Variants in NBPF14 observed in about 807,000 individuals in gnomAD.
The protein encoded by NBPF14 is NBPF member 14.
In NBPF14, 104 loss-of-function variants were observed where a neutral mutation model predicts 91.2. The ratio of observed to expected loss-of-function variants is 1.14; its 90% CI spans 0.97 to 1.34. The LOEUF (loss-of-function observed/expected upper bound fraction) is 1.34. NBPF14 is among the 40% of genes most tolerant of loss of function. NBPF14 has a pLI of 0.00. For missense variants in NBPF14, 908 were observed against 783.0 expected (o/e 1.16, Z -1.91); for synonymous variants, 294 against 303.8 (o/e 0.97, Z 0.34).
At chr1:148,566,369 A>G in intron 28 of NBPF14, 54 bp from the exon 29 acceptor site, 2 of 750,164 alleles carry the variant, frequency 2.7e-6, no homozygotes, top group South Asian at 1.4e-5. Context: ...GACACAACAG[A>G]GCCTCAACTA....
At position 148,533,766 on chromosome 1, in the gene NBPF14, T is replaced by C. The variant is rs373561186; in HGVS notation, c.8723+95A>G. ...GACAGTAGGAGTAATTCAGCCTTTG[T>C]TGAAAATATGACATCAAACACACTC... On this transcript the variant is annotated intron_variant, in intron 70 of 70. Transcript: ENST00000619423. 1.3e-4 allele frequency: 98 copies of C among 761,274 alleles called. 3 individuals carry two copies. The highest frequency in any genetic ancestry group is 1.2e-3 in the South Asian group (89 of 74,116). The allele number at this position is 761,274 out of a possible 1,614,324, so 47.2% of individuals were successfully genotyped here. A position where few individuals can be genotyped will look rare whatever the true frequency, so the allele number is the denominator to read the frequency against.
intron 39 of NBPF14, 57 bp from the exon 40 acceptor site, chr1:148,557,599 C>G: frequency 3.3e-6 from 2 of 602,986 alleles, no homozygotes; most frequent in East Asian, 3.4e-5. Context: ...ACACCCATAA[C>G]AGTCCACTGT....
At chr1:148,576,168 A>G (rs1361913425) in intron 16 of NBPF14, among the ~76,000 whole-genome samples, 5 of 100,066 alleles carry the variant, frequency 5.0e-5, no homozygotes, top group Admixed American at 1.7e-4. Context: ...AACTTGCTCA[A>G]GATTCCATGC....
intron 2 of NBPF14, among the ~76,000 whole-genome samples, chr1:148,594,795 T>C (rs1311181200): frequency 2.4e-5 from 2 of 84,270 alleles, no homozygotes; most frequent in Non-Finnish European, 2.0e-5. Context: ...CCTGCTGGGT[T>C]CAAAGGATTC....
Position 148,586,896 on chromosome 1 carries a change from T to G in NBPF14, c.1091+405A>C, listed in dbSNP as rs1472433818. On this transcript the variant is annotated intron_variant, in intron 8 of 70. Coordinates refer to ENST00000619423, the Ensembl canonical transcript of NBPF14. ...TTGAAAAGATGAAAGAAGAAAAGAATGACAGGGTCGAGGAGGCAACATTGA... is the reference window on the plus strand; with the variant it reads ...TTGAAAAGATGAAAGAAGAAAAGAAGGACAGGGTCGAGGAGGCAACATTGA... Among the ~76,000 whole-genome samples, 52 of 142,678 alleles carry G rather than the reference T, an allele frequency of 3.6e-4. 2 individuals carry two copies. The highest frequency in any genetic ancestry group is 4.8e-4 in the African/African-American group (19 of 39,412). The allele number at this position is 142,678 out of a possible 152,430, so 93.6% of individuals were successfully genotyped here.
At chr1:148,587,611 C>T (rs1469568936) in intron 7 of NBPF14, among the ~76,000 whole-genome samples, 16 of 145,074 alleles carry the variant, frequency 1.1e-4, no homozygotes, top group Non-Finnish European at 2.5e-4. Context: ...AAGAGAACCT[C>T]AAGGGCACAT....
chr1:148,587,726 C>G, intron 7 of NBPF14, among the ~76,000 whole-genome samples: 1 of 141,938 alleles, frequency 7.0e-6, no homozygotes, highest in Non-Finnish European at 1.6e-5. Context: ...GCCTTGCAGC[C>G]TCTCCTCTAA....
chr1:148,566,061 G>A (rs1450315348), intron 29 of NBPF14, 82 bp downstream of exon 29: 3 of 331,222 alleles, frequency 9.1e-6, no homozygotes, highest in South Asian at 7.1e-5. Context: ...TCTCAGCTCA[G>A]TAATGGCCAC....
rs1277694541 is a variant in NBPF14 at position 148,559,813 on chromosome 1, C to A, written c.4709G>T (p.Gly1570Val). Reference sequence around the variant, plus strand: ...CTCACCATCCATGTCAACAGCCAAGCCAACACGCTGCTGCTCCAATATGTA... The same window carrying A: ...CTCACCATCCATGTCAACAGCCAAGACAACACGCTGCTGCTCCAATATGTA... Residue 1570 changes from glycine (G) to valine (V), a missense_variant, in exon 37 of 71, where the codon GGC (glycine) becomes GTC (valine). Physicochemically the swap from Gly to Val is moderately radical, Grantham distance 109. This residue lies in a region of NBPF14 where 447 missense variants were observed against 189.1 expected (regional missense o/e 2.36). Transcript: ENST00000619423. The A allele has an allele frequency of 1.4e-5, 21 of 1,531,734 alleles. 1 individual carries two copies. The highest frequency in any genetic ancestry group is 2.5e-5 in the East Asian group (1 of 40,334). 94.9% of individuals were successfully genotyped at this position (1,531,734 alleles called of 1,614,324 possible). A position where few individuals can be genotyped will look rare whatever the true frequency, so the allele number is the denominator to read the frequency against.
Position 148,567,697 on chromosome 1 carries a change from A to C in NBPF14, c.3490+16T>G. 1 of 50,492 alleles carries C rather than the reference A, an allele frequency of 2.0e-5. No homozygotes were observed. Among genetic ancestry groups the C allele is most frequent in the Non-Finnish European group, 4.0e-5 (1 of 24,894 alleles). 3.1% of individuals were successfully genotyped at this position (50,492 alleles called of 1,614,324 possible). A position where few individuals can be genotyped will look rare whatever the true frequency, so the allele number is the denominator to read the frequency against. Reference sequence around the variant, plus strand: ...GACCAGGTGGAGGCTTATCACCTTCACAGTAAGGTACTCACTGTCCACGTC... The same window carrying C: ...GACCAGGTGGAGGCTTATCACCTTCCCAGTAAGGTACTCACTGTCCACGTC... On this transcript the variant is annotated intron_variant, in intron 27 of 70. Transcript: ENST00000619423.
At chr1:148,579,751 C>G (rs1310194048) in intron 12 of NBPF14, among the ~76,000 whole-genome samples, 2 of 152,132 alleles carry the variant, frequency 1.3e-5, no homozygotes, top group African/African-American at 4.8e-5. Context: ...ATACACCTCT[C>G]CCTGGATTTA....
intron 8 of NBPF14, among the ~76,000 whole-genome samples, chr1:148,586,930 A>G (rs1351335590): frequency 6.9e-6 from 1 of 144,764 alleles, no homozygotes; most frequent in Non-Finnish European, 1.5e-5. Flanking sequence ...GATTGAGTGA[A>G]AGAATGAGAA....
At chr1:148,539,350 A>G (rs1655521435) in intron 63 of NBPF14, 60 bp downstream of exon 63, 2 of 521,858 alleles carry the variant, frequency 3.8e-6, no homozygotes, top group Non-Finnish European at 6.6e-6. Flanking sequence ...TGGAACAGGA[A>G]TATCACCCCT....
At chr1:148,587,269 C>A (rs1276857189) in intron 8 of NBPF14, 32 bp downstream of exon 8, 9 of 1,515,822 alleles carry the variant, frequency 5.9e-6, no homozygotes, top group Admixed American at 1.7e-5. Flanking sequence ...TACACACCTG[C>A]CCCCCTGCCT....
exon 5 of NBPF14, chr1:148,591,451 G>T: frequency 1.2e-6 from 2 of 1,607,720 alleles, no homozygotes; most frequent in Non-Finnish European, 1.7e-6. Context: ...GATGATTCCA[G>T]TACTTTCTCA....
chr1:148,534,909 C>G (rs1259036239), intron 68 of NBPF14, 53 bp from the exon 69 acceptor site: 2 of 720,216 alleles, frequency 2.8e-6, no homozygotes, highest in Non-Finnish European at 5.1e-6. Context: ...AGAAACCACA[C>G]AGCCCCAGCT....
chr1:148,542,135 C>T (rs1655641542), intron 59 of NBPF14, among the ~76,000 whole-genome samples: 1 of 104,988 alleles, frequency 9.5e-6, no homozygotes, highest in Non-Finnish European at 1.7e-5. Flanking sequence ...AGCATATACC[C>T]TCAAATGATT....
intron 8 of NBPF14, among the ~76,000 whole-genome samples, 196 bp from the exon 9 acceptor site, chr1:148,586,665 T>G (rs1326765916): frequency 1.6e-4 from 24 of 147,482 alleles, no homozygotes; most frequent in African/African-American, 5.7e-4. Context: ...CAGAGAGGGC[T>G]CTTGCAAGAT....
chr1:148,533,421 T>C (rs1261526951), intron 70 of NBPF14, among the ~76,000 whole-genome samples, 173 bp from the exon 71 acceptor site: 3 of 149,500 alleles, frequency 2.0e-5, no homozygotes, highest in Admixed American at 1.3e-4. Context: ...CAGGGCCAGG[T>C]AGAAAACAAT....
Sources: allele counts gnomAD v4.1 joint callset (sites outside exome capture counted in the v4.1 genomes callset), GRCh38; gene constraint gnomAD v4.1.1; regional missense constraint gnomAD v4.1.1; transcripts MANE v1.5; gene names NCBI Gene and HGNC (gene_info 2026-07-23, HGNC 2026-07-21).